The following MINDY2 variants were observed in gnomAD, a reference collection of about 807,000 sequenced individuals.
The protein encoded by MINDY2 is MINDY lysine 48 deubiquitinase 2, also known as ubiquitin carboxyl-terminal hydrolase MINDY-2.
MINDY2 carries 52 observed loss-of-function variants against 68.2 expected under a neutral mutation model. The observed-to-expected ratio is 0.76, with a 90% CI of 0.61 to 0.96. The LOEUF (loss-of-function observed/expected upper bound fraction) is 0.96, where lower values mean the gene tolerates loss of function less well. MINDY2 is among the 40% of genes least tolerant of loss of function. The probability of loss-of-function intolerance (pLI) is 0.00; values close to 1 mark genes in which losing one functional copy is unlikely to be tolerated. For synonymous variants in MINDY2, 372 were observed against 303.0 expected (o/e 1.23, Z -2.36); for missense variants, 881 against 773.4 (o/e 1.14, Z -1.65).
chr15:58,846,936 A>C (rs1459879908), intron 6 of MINDY2, among the ~76,000 whole-genome samples: 1 of 152,124 alleles, frequency 6.6e-6, no homozygotes, highest in Non-Finnish European at 1.5e-5. Context: ...AAAACAGGCA[A>C]CATGGTATCA....
At chr15:58,773,292 A>G (rs1243016424) in intron 1 of MINDY2, among the ~76,000 whole-genome samples, 1 of 152,240 alleles carries the variant, frequency 6.6e-6, no homozygotes, top group Non-Finnish European at 1.5e-5. Flanking sequence ...ATTAAAAGAA[A>G]AAGAAAAATA....
intron 1 of MINDY2, among the ~76,000 whole-genome samples, chr15:58,775,883 C>G (rs574799326): frequency 3.3e-4 from 45 of 136,616 alleles, no homozygotes; most frequent in African/African-American, 1.2e-3. Flanking sequence ...TTTTTTGAGA[C>G]AGAGTCTCAC....
intron 5 of MINDY2, among the ~76,000 whole-genome samples, chr15:58,831,041 G>GTGTGTGTATATATATATATATATA (rs565786025): frequency 4.6e-4 from 58 of 124,908 alleles, no homozygotes; most frequent in African/African-American, 1.6e-3. Flanking sequence ...GTGTGTGTGT[G>GTGTGTGTATATATATATATATATA]TATATATATA....
rs2032986990 is a variant in MINDY2 at position 58,854,502 on chromosome 15, C to T, written c.1758C>T (p.Ala586=). 6.2e-7 allele frequency: 1 copy of T among 1,613,506 alleles called. No homozygotes were observed. Among genetic ancestry groups the T allele is most frequent in the African/African-American group, 1.3e-5 (1 of 74,972 alleles). The change falls in exon 9 of 9, where the codon GCC becomes GCT. Residue 586 remains alanine, a synonymous_variant. Coordinates refer to ENST00000559228, the MANE Select transcript of MINDY2 (RefSeq NM_001040450.3). ...TQAQQGQPAQ[A]SPSSGRQSGN... ...TAAAGCAGGGCCAGCCAGCACAAGC[C>T]TCTCCATCAAGTGGAAGACAATCTG...
chr15:58,796,208 T>C, intron 2 of MINDY2: 2 of 450,374 alleles, frequency 4.4e-6, no homozygotes, highest in South Asian at 1.6e-5. Context: ...ATGTGACTTG[T>C]ATCCGGCTTT....
intron 6 of MINDY2, among the ~76,000 whole-genome samples, chr15:58,844,837 C>A (rs769147293): frequency 1.0e-4 from 15 of 146,610 alleles, no homozygotes; most frequent in Middle Eastern, 3.7e-3. Context: ...GTCGCTTGAA[C>A]CCAAGAGGCT....
At chr15:58,805,904 T>C (rs551715036) in intron 3 of MINDY2, among the ~76,000 whole-genome samples, 73 of 152,094 alleles carry the variant, frequency 4.8e-4, no homozygotes, top group East Asian at 1.6e-3. Flanking sequence ...TGAAACCCCA[T>C]CTCTACTAAA....
chr15:58,821,659 T>C, intron 4 of MINDY2, 58 bp from the exon 5 acceptor site: 1 of 1,025,224 alleles, frequency 9.8e-7, no homozygotes, highest in Non-Finnish European at 1.4e-6. Flanking sequence ...TGATATGGCT[T>C]TCTTTTGTTT....
At chr15:58,826,651 A>G (rs1192221388) in intron 5 of MINDY2, among the ~76,000 whole-genome samples, 3 of 152,216 alleles carry the variant, frequency 2.0e-5, no homozygotes, top group Non-Finnish European at 2.9e-5. Context: ...CTCCTATATA[A>G]TCACAATGCA....
chr15:58,795,003 G>T (rs1349146731), intron 2 of MINDY2, among the ~76,000 whole-genome samples: 1 of 151,180 alleles, frequency 6.6e-6, no homozygotes, highest in Non-Finnish European at 1.5e-5. Flanking sequence ...GTGAAACCCC[G>T]TCTCTACTAA....
intron 7 of MINDY2, among the ~76,000 whole-genome samples, chr15:58,848,117 A>G (rs933584410): frequency 3.3e-5 from 5 of 150,820 alleles, no homozygotes; most frequent in Non-Finnish European, 7.4e-5. Context: ...TTTGCCTGCC[A>G]TAAGTGGGCA....
intron 1 of MINDY2, among the ~76,000 whole-genome samples, chr15:58,783,229 C>G (rs1325288734): frequency 6.6e-6 from 1 of 151,950 alleles, no homozygotes; most frequent in Non-Finnish European, 1.5e-5. Flanking sequence ...CCCCTGACTT[C>G]TTTTTTCTAA....
chr15:58,774,537 A>C (rs943408063), intron 1 of MINDY2, among the ~76,000 whole-genome samples: 2 of 152,006 alleles, frequency 1.3e-5, no homozygotes, highest in African/African-American at 2.4e-5. Context: ...GTATGATGCA[A>C]ATCTGCCCTC....
Position 58,847,486 on chromosome 15 carries a change from C to A in MINDY2, c.1542+16C>A. 1 of 1,521,226 alleles carries A rather than the reference C, an allele frequency of 6.6e-7. No homozygotes were observed. Among genetic ancestry groups the A allele is most frequent in the South Asian group, 1.3e-5 (1 of 76,444 alleles). 94.2% of individuals were successfully genotyped at this position (1,521,226 alleles called of 1,614,324 possible). On this transcript the variant is annotated intron_variant, in intron 7 of 8. Transcript: ENST00000559228. ...GATAGATCAGGTAAATTTGTATTGT[C>A]GTCTTTATAGTGGTTAAAATGCTGA... is the stretch of plus-strand genomic sequence containing the variant.
intron 1 of MINDY2, among the ~76,000 whole-genome samples, chr15:58,778,871 G>A (rs1208729429): frequency 3.5e-5 from 5 of 142,052 alleles, no homozygotes; most frequent in Non-Finnish European, 1.5e-5. Context: ...GGAGTGCAGT[G>A]GCACGATCTT....
At chr15:58,811,480 A>G (rs1251339860) in intron 4 of MINDY2, among the ~76,000 whole-genome samples, 1 of 152,244 alleles carries the variant, frequency 6.6e-6, no homozygotes, top group Non-Finnish European at 1.5e-5. Flanking sequence ...GAGATGGTGT[A>G]GCATCTTAGA....
rs1406201800 is a variant in MINDY2, at chr15:58,785,278, T to C, written c.841-2628T>C. Among the ~76,000 whole-genome samples, 2 of 152,118 alleles carry C rather than the reference T, an allele frequency of 1.3e-5. 1 individual carries two copies. The highest frequency in any genetic ancestry group is 1.3e-4 in the Admixed American group (2 of 15,252). Reference sequence around the variant, plus strand: ...AGTTTTAATAAACATCCAAAGTACTTTACTGGCTATGATTCAGGAAATGAA... The same window carrying C: ...AGTTTTAATAAACATCCAAAGTACTCTACTGGCTATGATTCAGGAAATGAA... On this transcript the variant is annotated intron_variant, in intron 1 of 8. Coordinates refer to ENST00000559228, the MANE Select transcript of MINDY2 (RefSeq NM_001040450.3).
At chr15:58,772,976 A>G (rs1900538366) in intron 1 of MINDY2, among the ~76,000 whole-genome samples, 1 of 152,186 alleles carries the variant, frequency 6.6e-6, no homozygotes, top group South Asian at 2.1e-4. Flanking sequence ...AAAGGGAAAG[A>G]CCCTTAAAAA....
At chr15:58,785,769 C>T (rs373679248) in intron 1 of MINDY2, among the ~76,000 whole-genome samples, 15 of 152,126 alleles carry the variant, frequency 9.9e-5, no homozygotes, top group African/African-American at 2.4e-4. Context: ...CTCCGCCTCC[C>T]GGGTTCAAGC....
Sources: gnomAD v4.1 joint callset for allele counts (sites outside exome capture counted in the v4.1 genomes callset) on GRCh38, gnomAD v4.1.1 for gene constraint, MANE v1.5 for transcripts, NCBI Gene and HGNC (gene_info 2026-07-23, HGNC 2026-07-21) for gene names.